Variants in ZNF765 observed in about 807,000 individuals in gnomAD.
ZNF765 encodes the protein zinc finger protein 765.
In ZNF765, 37 loss-of-function variants were observed where a neutral mutation model predicts 44.7. The observed-to-expected ratio is 0.83, with a 90% CI of 0.64 to 1.09. The LOEUF (loss-of-function observed/expected upper bound fraction) is 1.09. Among genes scored for constraint, ZNF765 ranks in the 50% least tolerant of loss-of-function variants. The pLI is 0.00. For synonymous variants in ZNF765, 201 were observed against 213.7 expected (o/e 0.94, Z 0.52); for missense variants, 594 against 626.1 (o/e 0.95, Z 0.55).
chr19:53,427,256 A>T (rs2085945331), exon 4 of ZNF765: 3 of 142,862 alleles, frequency 2.1e-5, no homozygotes, highest in African/African-American at 8.5e-5. Context: ...TTTGATTTTT[A>T]AAATTAAAAA....
At chr19:53,395,982 C>G (rs2085664142) in intron 1 of ZNF765, among the ~76,000 whole-genome samples, 1 of 133,458 alleles carries the variant, frequency 7.5e-6, no homozygotes. Flanking sequence ...ATTTGCCAGA[C>G]ACAGCAAATG....
chr19:53,409,406 C>A lies in ZNF765; in HGVS notation c.*279C>A. The A allele has an allele frequency of 1.2e-6, 1 of 850,338 alleles. No homozygotes were observed. The highest frequency in any genetic ancestry group is 2.0e-6 in the Non-Finnish European group (1 of 489,432). 52.7% of individuals were successfully genotyped at this position (850,338 alleles called of 1,614,324 possible). On this transcript the variant is annotated 3_prime_UTR_variant, in exon 4 of 4. Coordinates refer to ENST00000396408, the MANE Select transcript of ZNF765 (RefSeq NM_001040185.3). ...TGTGAAGAAGCTTTCTGTTTCAAAT[C>A]CAACCTTGAAAGACATAGGAGAATT... is the stretch of plus-strand genomic sequence containing the variant.
intron 1 of ZNF765, among the ~76,000 whole-genome samples, chr19:53,396,729 C>A (rs1173442083): frequency 2.6e-5 from 4 of 152,150 alleles, no homozygotes; most frequent in Non-Finnish European, 5.9e-5. Context: ...TTCTTTTTAA[C>A]CCTTGCCTTG....
intron 2 of ZNF765, among the ~76,000 whole-genome samples, chr19:53,399,028 G>A (rs1157852052): frequency 1.3e-5 from 2 of 151,844 alleles, no homozygotes; most frequent in South Asian, 2.1e-4. Context: ...TGGGATTACA[G>A]GTATAAGCCA....
At chr19:53,397,414 T>G (rs537212433) in intron 1 of ZNF765, among the ~76,000 whole-genome samples, 6 of 152,270 alleles carry the variant, frequency 3.9e-5, no homozygotes. Flanking sequence ...AATTTTTGAA[T>G]TTTTAGTAGA....
chr19:53,422,682 C>G (rs1389294692), intron 3 of ZNF765, among the ~76,000 whole-genome samples: 1 of 152,092 alleles, frequency 6.6e-6, no homozygotes, highest in Non-Finnish European at 1.5e-5. Flanking sequence ...TCAAGGGATC[C>G]TCCTACCTCA....
At chr19:53,425,467 A>T (rs1274281978) in exon 4 of ZNF765, 2 of 152,044 alleles carry the variant, frequency 1.3e-5, no homozygotes, top group East Asian at 3.9e-4. Flanking sequence ...CCTCATCACC[A>T]TGGGCTATTT....
At chr19:53,417,825 TTAAAAGA>T (rs1227601221) in intron 3 of ZNF765, among the ~76,000 whole-genome samples, 1 of 152,172 alleles carries the variant, frequency 6.6e-6, no homozygotes, top group Non-Finnish European at 1.5e-5. Flanking sequence ...TGCATATAAC[TTAAAAGA>T]TCAAAGGTCT....
chr19:53,423,211 T>C (rs2085917912), exon 4 of ZNF765: 1 of 696,328 alleles, frequency 1.4e-6, no homozygotes, highest in African/African-American at 1.8e-5. Context: ...GGCTCCTCCC[T>C]GGTCAATATC....
chr19:53,400,250 G>A (rs549259149), intron 2 of ZNF765, among the ~76,000 whole-genome samples: 5 of 152,234 alleles, frequency 3.3e-5, no homozygotes, highest in East Asian at 1.9e-4. Context: ...AAATTTACAT[G>A]TTCTCATGTT....
downstream of ZNF765, among the ~76,000 whole-genome samples, chr19:53,413,928 G>GAAAAAAAA (rs1555833383): frequency 1.1e-4 from 1 of 9,238 alleles, no homozygotes; most frequent in Non-Finnish European, 3.4e-4. Flanking sequence ...TAGCTAGAAA[G>GAAAAAAAA]ACAAAAAAAA....
chr19:53,419,435 G>A (rs1241518765), intron 3 of ZNF765, among the ~76,000 whole-genome samples: 1 of 152,166 alleles, frequency 6.6e-6, no homozygotes, highest in African/African-American at 2.4e-5. Context: ...AACATAAGGA[G>A]TCTGTTGATT....
chr19:53,400,586 G>A (rs1381924436), intron 2 of ZNF765, among the ~76,000 whole-genome samples: 6 of 151,694 alleles, frequency 4.0e-5, no homozygotes, highest in Non-Finnish European at 7.4e-5. Context: ...GCCTTTATAT[G>A]TATACACACC....
Position 53,408,110 on chromosome 19 carries a change from A to G in ZNF765, c.555A>G (p.Glu185=), listed in dbSNP as rs1248507396. 6.2e-7 allele frequency: 1 copy of G among 1,614,118 alleles called. No individual in the cohort carries two copies. The highest frequency in any genetic ancestry group is 2.2e-5 in the East Asian group (1 of 44,874). Residue 185 remains glutamate, a synonymous_variant, in exon 4 of 4, where the codon GAA becomes GAG. Coordinates refer to ENST00000396408, the MANE Select transcript of ZNF765 (RefSeq NM_001040185.3). The part of the protein sequence containing the change: ...STAQRISCRP[E]THISNDYGNN... ...CCCAAAGAATTTCTTGTAGGCCTGA[A>G]ACCCATATTTCTAATGACTATGGGA...
At chr19:53,399,527 A>G (rs2085702538) in intron 2 of ZNF765, among the ~76,000 whole-genome samples, 1 of 152,020 alleles carries the variant, frequency 6.6e-6, no homozygotes, top group South Asian at 2.1e-4. Flanking sequence ...ACTTTTTTAC[A>G]AAAATTAGCC....
At chr19:53,402,873 T>TA (rs1286583779) in intron 3 of ZNF765, among the ~76,000 whole-genome samples, 6 of 152,092 alleles carry the variant, frequency 3.9e-5, no homozygotes, top group Admixed American at 3.3e-4. Flanking sequence ...GGCTTTTATT[T>TA]TAAAAATTTT....
downstream of ZNF765, among the ~76,000 whole-genome samples, chr19:53,416,385 G>A (rs915496141): frequency 5.9e-5 from 9 of 152,090 alleles, no homozygotes; most frequent in South Asian, 2.1e-4. Flanking sequence ...CCACCTGGCC[G>A]ACAGAGCGAA....
chr19:53,409,683 A>G lies in ZNF765; in HGVS notation c.*556A>G, dbSNP rs1168841419. On this transcript the variant is annotated 3_prime_UTR_variant, in exon 4 of 4. Coordinates refer to ENST00000396408, the MANE Select transcript of ZNF765 (RefSeq NM_001040185.3). ...CCTTACACGCCATCGTAGACTTCAT[A>G]CTGGAGGATACCTTACAAATGTAAT... The G allele has an allele frequency of 3.7e-6, 4 of 1,082,776 alleles. No individual in the cohort carries two copies. The highest frequency in any genetic ancestry group is 4.8e-5 in the East Asian group (2 of 41,336). 67.1% of individuals were successfully genotyped at this position (1,082,776 alleles called of 1,614,324 possible). A position where few individuals can be genotyped will look rare whatever the true frequency, so the allele number is the denominator to read the frequency against.
At chr19:53,400,096 G>T (rs765184184) in intron 2 of ZNF765, among the ~76,000 whole-genome samples, 6 of 152,152 alleles carry the variant, frequency 3.9e-5, no homozygotes, top group Non-Finnish European at 8.8e-5. Context: ...ACAGGCATGA[G>T]CCACCGCATC....
Sources: gnomAD v4.1 joint callset for allele counts (sites outside exome capture counted in the v4.1 genomes callset) on GRCh38, gnomAD v4.1.1 for gene constraint, MANE v1.5 for transcripts, NCBI Gene and HGNC (gene_info 2026-07-23, HGNC 2026-07-21) for gene names.